The following NXPH3 variants were observed in gnomAD, a reference collection of about 807,000 sequenced individuals.
NXPH3 encodes the protein neurexophilin 3.
A neutral mutation model predicts 18.8 loss-of-function variants in NXPH3; 7 were observed. That is an observed-to-expected ratio of 0.37 (90% CI 0.21 to 0.70). The LOEUF is 0.70. Ranked by LOEUF, NXPH3 falls within the 30% of genes least tolerant of loss-of-function variation. The pLI is 0.53. For missense variants in NXPH3, 282 were observed against 338.1 expected (o/e 0.83, Z 1.30); for synonymous variants, 101 against 137.3 (o/e 0.74, Z 1.85).
Position 49,579,195 on chromosome 17 carries a change from C to T in NXPH3, c.654C>T (p.Val218=), listed in dbSNP as rs763725258. The T allele has an allele frequency of 5.0e-6, 8 of 1,611,514 alleles. No individual in the cohort carries two copies. The highest frequency in any genetic ancestry group is 2.2e-5 in the East Asian group (1 of 44,906). Residue 218 remains valine (V), a synonymous_variant, in exon 2 of 2, where the codon GTC becomes GTT. Transcript: ENST00000328741. This position sits in a 1 kb window ranked among gnomAD's most constrained non-coding sequence, Gnocchi z 6.0. ...GGAGCTGCTCCCAGCCCTTCAAAGT[C>T]GTCTGTGTCTACATCGCCTTCTACA... The part of the protein sequence containing the change: ...ATWSCSQPFK[V]VCVYIAFYST...
rs1448445830 is a variant in NXPH3 at position 49,580,397 on chromosome 17, C to T, written c.*1097C>T. On this transcript the variant is annotated 3_prime_UTR_variant, in exon 2 of 2. Transcript: ENST00000328741. ...TGTCCAAGGAAAGGGCCTCAGGCAT[C>T]CCTTGGTCCAGGAAGAATTTCTCTG... 6.6e-6 allele frequency: 1 copy of T among 152,264 alleles called. No homozygotes were observed. Among genetic ancestry groups the T allele is most frequent in the Non-Finnish European group, 1.5e-5 (1 of 68,062 alleles). The allele number at this position is 152,264 out of a possible 1,614,324, so 9.4% of individuals were successfully genotyped here. A position where few individuals can be genotyped will look rare whatever the true frequency, so the allele number is the denominator to read the frequency against.
In NXPH3 at chr17:49,576,249, C is replaced by G; in HGVS notation, c.30C>G (p.Phe10Leu). The G allele has an allele frequency of 1.3e-6, 2 of 1,569,224 alleles. No individual in the cohort carries two copies. The highest frequency in any genetic ancestry group is 1.7e-6 in the Non-Finnish European group (2 of 1,157,454). Reference protein sequence around the residue: MQLTRCCFVFLVQGSLYLVI... With the variant: MQLTRCCFVLLVQGSLYLVI... ...AACTGACTCGCTGCTGCTTCGTGTT[C>G]CTGGTGCAGGGTAGCCTCTATCTGG... Residue 10 changes from phenylalanine (F) to leucine (L), a missense_variant, in exon 1 of 2, where the codon TTC becomes TTG. Transcript: ENST00000328741.
chr17:49,578,394 TG>T lies in NXPH3; in HGVS notation c.55-191del, dbSNP rs35525659. 0.4 allele frequency among the ~76,000 whole-genome samples: 55,081 copies of T among 136,060 alleles called. 10,527 individuals are homozygous for T. The highest frequency in any genetic ancestry group is 0.66 in the East Asian group (3,166 of 4,806). The allele number at this position is 136,060 out of a possible 152,430, so 89.3% of individuals were successfully genotyped here. A position where few individuals can be genotyped will look rare whatever the true frequency, so the allele number is the denominator to read the frequency against. On this transcript the variant is annotated intron_variant, in intron 1 of 1. Coordinates refer to ENST00000328741, the MANE Select transcript of NXPH3 (RefSeq NM_007225.4). This position sits in a 1 kb window ranked among gnomAD's most constrained non-coding sequence, Gnocchi z 4.5. ...GGCCAAGACAGTGAGGAAAGGACAA[TG>T]GGGGGGGGGGTGACCCAACTGTCAG...
In NXPH3 at chr17:49,581,891, G is replaced by A. The variant is rs1477896398; in HGVS notation, c.*2591G>A. Reference sequence around the variant, plus strand: ...GAGGGCCCGGCCTTCCTGGCACACAGTTCTGCCTGCACCAGGGATGGATTC... The same window carrying A: ...GAGGGCCCGGCCTTCCTGGCACACAATTCTGCCTGCACCAGGGATGGATTC... On this transcript the variant is annotated 3_prime_UTR_variant, in exon 2 of 2. Coordinates refer to ENST00000328741, the MANE Select transcript of NXPH3 (RefSeq NM_007225.4). The A allele has an allele frequency of 1.5e-6, 1 of 647,172 alleles. No individual in the cohort carries two copies. The highest frequency in any genetic ancestry group is 2.5e-5 in the Admixed American group (1 of 40,286). 40.1% of individuals were successfully genotyped at this position (647,172 alleles called of 1,614,324 possible).
At position 49,582,272 on chromosome 17, in the gene NXPH3, T is replaced by G. The variant is rs551028696; in HGVS notation, c.*2972T>G. 1.4e-5 allele frequency: 3 copies of G among 217,718 alleles called. No individual in the cohort carries two copies. Among genetic ancestry groups the G allele is most frequent in the Non-Finnish European group, 2.7e-5 (3 of 110,188 alleles). 13.5% of individuals were successfully genotyped at this position (217,718 alleles called of 1,614,324 possible). The stretch of plus-strand genomic sequence containing the variant: ...CACAGGAGATTCCTCTGAAGAAACC[T>G]GTCCCCACTCTGCCCAGACCCCAAA... On this transcript the variant is annotated 3_prime_UTR_variant, in exon 2 of 2. Transcript: ENST00000328741.
chr17:49,579,292 T>C lies in NXPH3; in HGVS notation c.751T>C (p.Ser251Pro). ...CCATAGTGATACCCCCTACTACCCA[T>C]CTGGGTGACCCGGGGCAGGCCACAG... ...NYHSDTPYYP[S>P]G Residue 251 changes from serine to proline, a missense_variant, in exon 2 of 2, where the codon TCT (serine) becomes CCT (proline). Physicochemically the swap from Ser to Pro is moderately conservative, Grantham distance 74. Transcript: ENST00000328741. This position sits in a 1 kb window ranked among gnomAD's most constrained non-coding sequence, Gnocchi z 6.0. 1 of 1,595,838 alleles carries C rather than the reference T, an allele frequency of 6.3e-7. No individual in the cohort carries two copies. The highest frequency in any genetic ancestry group is 8.5e-7 in the Non-Finnish European group (1 of 1,177,624).
In NXPH3 at chr17:49,576,194, C is replaced by A. The variant is rs1176175512; in HGVS notation, c.-26C>A. On this transcript the variant is annotated 5_prime_UTR_variant, in exon 1 of 2. Transcript: ENST00000328741. The stretch of plus-strand genomic sequence containing the variant: ...GGACCCCGAAAAGAGAAGGGGAGAG[C>A]GAGGGGACGAGAGCGGAGGAGGAAG... The A allele has an allele frequency of 1.3e-6, 2 of 1,559,032 alleles. No homozygotes were observed. Among genetic ancestry groups the A allele is most frequent in the Non-Finnish European group, 1.7e-6 (2 of 1,151,466 alleles).
At chr17:49,577,500 G>A (rs961441106) in intron 1 of NXPH3, among the ~76,000 whole-genome samples, 1 of 152,162 alleles carries the variant, frequency 6.6e-6, no homozygotes, top group Non-Finnish European at 1.5e-5. Flanking sequence ...GCCCCCCACT[G>A]CTGTCCCACT....
rs1315884475 is a variant in NXPH3, at chr17:49,578,305, C to T, written c.55-291C>T. On this transcript the variant is annotated intron_variant, in intron 1 of 1. Coordinates refer to ENST00000328741, the MANE Select transcript of NXPH3 (RefSeq NM_007225.4). This position sits in a 1 kb window ranked among gnomAD's most constrained non-coding sequence, Gnocchi z 4.5. ...ACTCCCTAGGGGTAGGAGCCGTTGT[C>T]CCTGGTGCCACAGTTCACTGGAGAG... Among the ~76,000 whole-genome samples the T allele has an allele frequency of 1.3e-5, 2 of 151,926 alleles. No homozygotes were observed. Among genetic ancestry groups the T allele is most frequent in the Non-Finnish European group, 2.9e-5 (2 of 68,004 alleles).
Position 49,581,637 on chromosome 17 carries a change from G to A in NXPH3, c.*2337G>A. On this transcript the variant is annotated 3_prime_UTR_variant, in exon 2 of 2. Coordinates refer to ENST00000328741, the MANE Select transcript of NXPH3 (RefSeq NM_007225.4). ...ACCACCCTCCGCTCCCCACCCTGGA[G>A]GCTTGAGACTGCTGGCACTGGAGCA... is the stretch of plus-strand genomic sequence containing the variant. 1 of 702,590 alleles carries A rather than the reference G, an allele frequency of 1.4e-6. No homozygotes were observed. Among genetic ancestry groups the A allele is most frequent in the Non-Finnish European group, 2.6e-6 (1 of 384,990 alleles). The allele number at this position is 702,590 out of a possible 1,614,324, so 43.5% of individuals were successfully genotyped here.
rs1166120841 is a variant in NXPH3 at position 49,581,689 on chromosome 17, C to G, written c.*2389C>G. 2 of 702,598 alleles carry G rather than the reference C, an allele frequency of 2.8e-6. No homozygotes were observed. Among genetic ancestry groups the G allele is most frequent in the Admixed American group, 2.0e-5 (1 of 50,016 alleles). The allele number at this position is 702,598 out of a possible 1,614,324, so 43.5% of individuals were successfully genotyped here. A position where few individuals can be genotyped will look rare whatever the true frequency, so the allele number is the denominator to read the frequency against. On this transcript the variant is annotated 3_prime_UTR_variant, in exon 2 of 2. Coordinates refer to ENST00000328741, the MANE Select transcript of NXPH3 (RefSeq NM_007225.4). ...CCCACCAATGGACACCCACCGTGTG[C>G]CGTTCAGCCTCCCACAGTGCTGTGG...
chr17:49,576,817 A>G (rs1375245080), intron 1 of NXPH3, among the ~76,000 whole-genome samples: 1 of 138,024 alleles, frequency 7.2e-6, no homozygotes, highest in Non-Finnish European at 1.5e-5. Context: ...GGAGCCCCAC[A>G]GGACTTGGGC....
In NXPH3 at chr17:49,578,647, G is replaced by A. The variant is rs1238662750; in HGVS notation, c.106G>A (p.Asp36Asn). Residue 36 changes from aspartate to asparagine, a missense_variant, in exon 2 of 2, where the codon GAT (aspartate) becomes AAT (asparagine). Asp to Asn is a conservative substitution (Grantham distance 23, BLOSUM62 1). Coordinates refer to ENST00000328741, the MANE Select transcript of NXPH3 (RefSeq NM_007225.4). This position sits in a 1 kb window ranked among gnomAD's most constrained non-coding sequence, Gnocchi z 4.5. The part of the protein sequence containing the change: ...GPPGSEDPER[D>N]DHEGQPRPRV... ...TCCCGGCTCAGAGGACCCTGAGCGTGATGACCACGAGGGCCAGCCCCGGCC... is the reference window on the plus strand; with the variant it reads ...TCCCGGCTCAGAGGACCCTGAGCGTAATGACCACGAGGGCCAGCCCCGGCC... 3 of 1,603,008 alleles carry A rather than the reference G, an allele frequency of 1.9e-6. No individual in the cohort carries two copies. Among genetic ancestry groups the A allele is most frequent in the Non-Finnish European group, 2.6e-6 (3 of 1,175,100 alleles).
rs1891663288 is a variant in NXPH3 at position 49,583,004 on chromosome 17, T to C, written c.*3704T>C. On this transcript the variant is annotated 3_prime_UTR_variant, in exon 2 of 2. Transcript: ENST00000328741. ...CCCTGTTCCCCATCCTTGGCAGGAA[T>C]GCTGGTGACCTTGCATTGTGGCAGA... The C allele has an allele frequency of 6.6e-6, 1 of 152,116 alleles. No homozygotes were observed. The highest frequency in any genetic ancestry group is 6.6e-5 in the Admixed American group (1 of 15,264). The allele number at this position is 152,116 out of a possible 1,614,324, so 9.4% of individuals were successfully genotyped here.
Position 49,581,718 on chromosome 17 carries a change from C to CT in NXPH3, c.*2419dup, listed in dbSNP as rs1447088028. 1 of 702,574 alleles carries CT rather than the reference C, an allele frequency of 1.4e-6. No individual in the cohort carries two copies. Among genetic ancestry groups the CT allele is most frequent in the Admixed American group, 2.0e-5 (1 of 49,998 alleles). 43.5% of individuals were successfully genotyped at this position (702,574 alleles called of 1,614,324 possible). On this transcript the variant is annotated 3_prime_UTR_variant, in exon 2 of 2. Coordinates refer to ENST00000328741, the MANE Select transcript of NXPH3 (RefSeq NM_007225.4). ...TCAGCCTCCCACAGTGCTGTGGAGA[C>CT]TGCAGGAAGGAGGAGGAAGCAATGG...
chr17:49,578,394 T>TGGGG lies in NXPH3; in HGVS notation c.55-194_55-191dup, dbSNP rs35525659. 2.2e-5 allele frequency among the ~76,000 whole-genome samples: 3 copies of TGGGG among 136,434 alleles called. No homozygotes were observed. The highest frequency in any genetic ancestry group is 8.0e-5 in the African/African-American group (3 of 37,306). The allele number at this position is 136,434 out of a possible 152,430, so 89.5% of individuals were successfully genotyped here. On this transcript the variant is annotated intron_variant, in intron 1 of 1. Transcript: ENST00000328741. The surrounding 1 kb of genome is among the most constrained non-coding windows in gnomAD (Gnocchi z 4.5). The stretch of plus-strand genomic sequence containing the variant: ...GGCCAAGACAGTGAGGAAAGGACAA[T>TGGGG]GGGGGGGGGGGTGACCCAACTGTCA...
chr17:49,577,498 C>T (rs2071577239), intron 1 of NXPH3, among the ~76,000 whole-genome samples: 1 of 152,238 alleles, frequency 6.6e-6, no homozygotes, highest in Non-Finnish European at 1.5e-5. Flanking sequence ...ATGCCCCCCA[C>T]TGCTGTCCCA....
At position 49,578,492 on chromosome 17, in the gene NXPH3, C is replaced by T. The variant is rs1597887742; in HGVS notation, c.55-104C>T. 4.4e-6 allele frequency: 4 copies of T among 901,440 alleles called. No individual in the cohort carries two copies. In the East Asian group the frequency reaches 9.8e-5, roughly 22 times the overall value. 55.8% of individuals were successfully genotyped at this position (901,440 alleles called of 1,614,324 possible). A position where few individuals can be genotyped will look rare whatever the true frequency, so the allele number is the denominator to read the frequency against. ...CAGTGGGCAAGACGCAGGAGCTCCT[C>T]ACCCAGGTCAGAGTGAAGTGGCAGG... On this transcript the variant is annotated intron_variant, in intron 1 of 1. Coordinates refer to ENST00000328741, the MANE Select transcript of NXPH3 (RefSeq NM_007225.4). This position sits in a 1 kb window ranked among gnomAD's most constrained non-coding sequence, Gnocchi z 4.5.
chr17:49,578,924 G>C lies in NXPH3; in HGVS notation c.383G>C (p.Gly128Ala), dbSNP rs754436153. The change falls in exon 2 of 2, where the codon GGG becomes GCG. Residue 128 changes from glycine (G) to alanine (A), a missense_variant. Transcript: ENST00000328741. This position sits in a 1 kb window ranked among gnomAD's most constrained non-coding sequence, Gnocchi z 4.5. ...GGGAAGATTGTGGACCATGGCAATG[G>C]GACCTTCAGCGTCCACTTCCAACAC... The part of the protein sequence containing the change: ...VTGKIVDHGN[G>A]TFSVHFQHNA... 7.4e-6 allele frequency: 12 copies of C among 1,614,050 alleles called. No individual in the cohort carries two copies. The highest frequency in any genetic ancestry group is 1.3e-5 in the African/African-American group (1 of 74,906).
Sources: allele counts gnomAD v4.1 joint callset (sites outside exome capture counted in the v4.1 genomes callset), GRCh38; gene constraint gnomAD v4.1.1; non-coding constraint Gnocchi (gnomAD v3.1); transcripts MANE v1.5; gene names NCBI Gene and HGNC (gene_info 2026-07-23, HGNC 2026-07-21).